Variants in DOCK3 observed in about 807,000 individuals in gnomAD.
DOCK3 encodes dedicator of cytokinesis protein 3.
DOCK3 carries 60 observed loss-of-function variants against 265.6 expected under a neutral mutation model. The observed-to-expected ratio is 0.23, with a 90% CI of 0.18 to 0.28. The LOEUF is 0.28. Among genes scored for constraint, DOCK3 ranks in the 10% least tolerant of loss-of-function variants. The pLI is 1.00. For synonymous variants in DOCK3, 881 were observed against 938.0 expected (o/e 0.94, Z 1.11); for missense variants, 1,981 against 2,594.3 (o/e 0.76, Z 5.14).
intron 43 of DOCK3, 57 bp downstream of exon 43, chr3:51,356,550 T>C (rs952037709): frequency 5.5e-5 from 86 of 1,554,316 alleles, no homozygotes; most frequent in Middle Eastern, 1.7e-4. Context: ...GCCCCAGCTC[T>C]GGGGGCCCTT....
At chr3:51,313,011 A>ATATGTAAGGATCTCTTGG in intron 31 of DOCK3, 109 bp downstream of exon 31, 2 of 1,008,562 alleles carry the variant, frequency 2.0e-6, no homozygotes, top group Non-Finnish European at 3.0e-6. Flanking sequence ...CAGGCCCAAG[A>ATATGTAAGGATCTCTTGG]GATCCTTACA....
chr3:51,214,979 A>C (rs2089705526), intron 14 of DOCK3, among the ~76,000 whole-genome samples: 1 of 152,214 alleles, frequency 6.6e-6, no homozygotes, highest in South Asian at 2.1e-4. Context: ...GAAAGGGTAG[A>C]GGCATGGTTC....
At chr3:51,024,618 AG>A in intron 5 of DOCK3, among the ~76,000 whole-genome samples, 1 of 152,208 alleles carries the variant, frequency 6.6e-6, no homozygotes, top group Non-Finnish European at 1.5e-5. Context: ...TGTTCAGATC[AG>A]ACAGGCACCT....
intron 12 of DOCK3, among the ~76,000 whole-genome samples, chr3:51,188,009 A>G (rs2087718971): frequency 6.6e-6 from 1 of 152,174 alleles, no homozygotes; most frequent in Non-Finnish European, 1.5e-5. Flanking sequence ...ACGTGGGCAG[A>G]GTGGGCATTA....
intron 3 of DOCK3, chr3:50,877,705 C>T (rs943255160): frequency 3.4e-5 from 12 of 353,144 alleles, no homozygotes; most frequent in Non-Finnish European, 4.9e-5. Flanking sequence ...GTTGGAGTCT[C>T]GCTGTGTCAC....
intron 7 of DOCK3, among the ~76,000 whole-genome samples, chr3:51,077,993 G>A (rs916199054): frequency 2.0e-5 from 3 of 150,378 alleles, no homozygotes; most frequent in Non-Finnish European, 4.4e-5. Flanking sequence ...TTGGGCGATG[G>A]GTACACTTAG....
chr3:50,727,726 A>C (rs1297679205), intron 1 of DOCK3, among the ~76,000 whole-genome samples: 1 of 152,092 alleles, frequency 6.6e-6, no homozygotes, highest in African/African-American at 2.4e-5. Flanking sequence ...AAAAGGATGA[A>C]AGGGTCAATT....
chr3:51,335,774 T>C (rs1170163084), intron 35 of DOCK3, among the ~76,000 whole-genome samples: 1 of 152,186 alleles, frequency 6.6e-6, no homozygotes, highest in Non-Finnish European at 1.5e-5. Context: ...GGCAAATTGC[T>C]TAAGCTCAGG....
intron 14 of DOCK3, among the ~76,000 whole-genome samples, chr3:51,220,687 A>ATATATGTGTG (rs1553797700): frequency 7.4e-5 from 5 of 67,586 alleles, no homozygotes; most frequent in East Asian, 4.4e-4. Context: ...ATATATATAT[A>ATATATGTGTG]TGTGTGTGTG....
chr3:50,920,908 A>G (rs2050418783), intron 4 of DOCK3, among the ~76,000 whole-genome samples: 1 of 152,318 alleles, frequency 6.6e-6, no homozygotes, highest in Non-Finnish European at 1.5e-5. Flanking sequence ...TTCCCTCTAC[A>G]CACTGCTTTG....
chr3:50,695,679 C>T (rs990234725), intron 1 of DOCK3, among the ~76,000 whole-genome samples: 1 of 152,192 alleles, frequency 6.6e-6, no homozygotes, highest in African/African-American at 2.4e-5. Flanking sequence ...TTCCACAATC[C>T]TCAGCTGTTC....
chr3:50,687,908 A>G (rs2034945597), intron 1 of DOCK3, among the ~76,000 whole-genome samples: 1 of 152,370 alleles, frequency 6.6e-6, no homozygotes, highest in South Asian at 2.1e-4. Context: ...TCCTGAAAAT[A>G]TATCGCACAA....
intron 7 of DOCK3, among the ~76,000 whole-genome samples, chr3:51,078,633 T>C (rs1273239376): frequency 6.6e-6 from 1 of 152,164 alleles, no homozygotes; most frequent in Non-Finnish European, 1.5e-5. Flanking sequence ...AGCATTACCT[T>C]CAAAATTCTG....
intron 22 of DOCK3, among the ~76,000 whole-genome samples, chr3:51,248,586 C>G (rs546313005): frequency 6.6e-6 from 1 of 152,046 alleles, no homozygotes; most frequent in South Asian, 2.1e-4. Flanking sequence ...CCCAAAGTGC[C>G]GAGATTGCAG....
chr3:51,144,782 A>T (rs1377496410), intron 9 of DOCK3, among the ~76,000 whole-genome samples: 2 of 151,656 alleles, frequency 1.3e-5, no homozygotes, highest in Non-Finnish European at 2.9e-5. Context: ...ACAGAACTTA[A>T]TAACAATTTG....
chr3:51,261,289 G>A (rs1056965219), intron 23 of DOCK3, among the ~76,000 whole-genome samples: 4 of 151,928 alleles, frequency 2.6e-5, no homozygotes, highest in Non-Finnish European at 4.4e-5. Context: ...GTGGGGCGTC[G>A]CCTCACCTTG....
At chr3:50,706,538 T>C (rs944091690) in intron 1 of DOCK3, among the ~76,000 whole-genome samples, 2 of 152,180 alleles carry the variant, frequency 1.3e-5, no homozygotes, top group African/African-American at 4.8e-5. Context: ...TGTCTTTGAC[T>C]TTTTACTGTT....
rs772837791 is a variant in DOCK3, at chr3:51,020,633, C to T, written c.316-43815C>T. ...ACCTTGAAGTCTTTAATCCACCTTG[C>T]GTTAATTTTTGTATAATGTATAAAG... On this transcript the variant is annotated intron_variant, in intron 5 of 52. Coordinates refer to ENST00000266037, the MANE Select transcript of DOCK3 (RefSeq NM_004947.5). Among the ~76,000 whole-genome samples, 14 of 151,716 alleles carry T rather than the reference C, an allele frequency of 9.2e-5. 1 individual carries two copies. The highest frequency in any genetic ancestry group is 1.7e-4 in the African/African-American group (7 of 41,140).
intron 5 of DOCK3, among the ~76,000 whole-genome samples, chr3:51,008,295 T>C (rs970171448): frequency 2.6e-5 from 4 of 152,218 alleles, no homozygotes; most frequent in African/African-American, 9.6e-5. Flanking sequence ...CCTCTTTTAT[T>C]TCATTGAGCA....
Sources: gnomAD v4.1 joint callset for allele counts (sites outside exome capture counted in the v4.1 genomes callset) on GRCh38, gnomAD v4.1.1 for gene constraint, MANE v1.5 for transcripts, NCBI Gene and HGNC (gene_info 2026-07-23, HGNC 2026-07-21) for gene names.